CACNG2: variants seen among roughly 807,000 people sequenced by gnomAD.
CACNG2 encodes calcium voltage-gated channel auxiliary subunit gamma 2, also known as voltage-dependent calcium channel gamma-2 subunit.
In CACNG2, 3 loss-of-function variants were observed where a neutral mutation model predicts 25.9. The ratio of observed to expected loss-of-function variants is 0.12; its 90% CI spans 0.05 to 0.30. The LOEUF is 0.30. Among genes scored for constraint, CACNG2 ranks in the 10% least tolerant of loss-of-function variants. The probability of loss-of-function intolerance (pLI) is 1.00; values close to 1 mark genes in which losing one functional copy is unlikely to be tolerated. For synonymous variants in CACNG2, 167 were observed against 173.3 expected (o/e 0.96, Z 0.29); for missense variants, 341 against 432.5 (o/e 0.79, Z 1.88).
intron 1 of CACNG2, among the ~76,000 whole-genome samples, chr22:36,627,279 C>CGTGTGTGTGT (rs58015913): frequency 6.6e-4 from 87 of 131,226 alleles, no homozygotes; most frequent in African/African-American, 1.2e-3. Context: ...AGAGTGGGGA[C>CGTGTGTGTGT]GTGTGTGTGT....
chr22:36,616,638 G>A (rs1936025711), intron 1 of CACNG2, among the ~76,000 whole-genome samples: 1 of 151,972 alleles, frequency 6.6e-6, no homozygotes, highest in African/African-American at 2.4e-5. Flanking sequence ...TATGAAGCAG[G>A]GGTTGAGATG....
chr22:36,601,413 T>C (rs1004429927), intron 1 of CACNG2, among the ~76,000 whole-genome samples: 6 of 152,260 alleles, frequency 3.9e-5, no homozygotes, highest in African/African-American at 1.4e-4. Flanking sequence ...CATTCATCCA[T>C]TGATGGACAT....
At chr22:36,583,428 G>A (rs544630849) in intron 2 of CACNG2, among the ~76,000 whole-genome samples, 4 of 144,280 alleles carry the variant, frequency 2.8e-5, no homozygotes, top group South Asian at 2.2e-4. Flanking sequence ...GCAAGATTCC[G>A]TCTCAAAAAA....
At chr22:36,587,611 C>G in intron 1 of CACNG2, 63 bp from the exon 2 acceptor site, 3 of 1,100,080 alleles carry the variant, frequency 2.7e-6, no homozygotes, top group Non-Finnish European at 4.2e-6. Context: ...TTAGGGCCCA[C>G]CTGCCTCTTC....
At chr22:36,666,185 G>A (rs934467084) in intron 1 of CACNG2, among the ~76,000 whole-genome samples, 3 of 152,130 alleles carry the variant, frequency 2.0e-5, no homozygotes, top group African/African-American at 7.2e-5. Context: ...TGGGAGGCTC[G>A]CTTTAGCCTA....
chr22:36,677,433 T>A (rs1937034469), intron 1 of CACNG2, among the ~76,000 whole-genome samples: 2 of 152,190 alleles, frequency 1.3e-5, no homozygotes, highest in African/African-American at 4.8e-5. Flanking sequence ...TCCCCACCAC[T>A]GCACTGCCTG....
chr22:36,642,923 C>CT (rs1459296641), intron 1 of CACNG2, among the ~76,000 whole-genome samples: 10 of 152,162 alleles, frequency 6.6e-5, no homozygotes, highest in Non-Finnish European at 1.2e-4. Flanking sequence ...GTCTAGTGAT[C>CT]TTTTCAAAGC....
intron 1 of CACNG2, among the ~76,000 whole-genome samples, chr22:36,602,766 T>A (rs1382252504): frequency 6.6e-6 from 1 of 152,182 alleles, no homozygotes; most frequent in African/African-American, 2.4e-5. Context: ...TGTTTTGGAG[T>A]GCCAAGAACT....
chr22:36,561,708 A>T lies in CACNG2; in HGVS notation c.*2643T>A, dbSNP rs2145899758. 1 of 152,482 alleles carries T rather than the reference A, an allele frequency of 6.6e-6. No homozygotes were observed. Among genetic ancestry groups the T allele is most frequent in the Middle Eastern group, 3.4e-3 (1 of 296 alleles). 9.4% of individuals were successfully genotyped at this position (152,482 alleles called of 1,614,324 possible). On this transcript the variant is annotated 3_prime_UTR_variant, in exon 4 of 4. Transcript: ENST00000300105. ...GCAGGGGGGCCTCACCTTGACCTTCAGTCACCTGGGAGTAACTTGCAGACT... is the reference window on the plus strand; with the variant it reads ...GCAGGGGGGCCTCACCTTGACCTTCTGTCACCTGGGAGTAACTTGCAGACT...
intron 1 of CACNG2, among the ~76,000 whole-genome samples, chr22:36,695,695 C>A (rs1238019396): frequency 6.6e-6 from 1 of 152,240 alleles, no homozygotes; most frequent in Non-Finnish European, 1.5e-5. Context: ...TAGCTAGAAT[C>A]CCAGTATTAT....
At chr22:36,568,147 C>T (rs567238291) in intron 2 of CACNG2, among the ~76,000 whole-genome samples, 1 of 152,138 alleles carries the variant, frequency 6.6e-6, no homozygotes, top group East Asian at 1.9e-4. Flanking sequence ...CGTGCCTGGC[C>T]AAAGATGTCT....
chr22:36,662,995 TG>T (rs1259989223), intron 1 of CACNG2, among the ~76,000 whole-genome samples: 1 of 151,412 alleles, frequency 6.6e-6, no homozygotes, highest in Non-Finnish European at 1.5e-5. Flanking sequence ...AGTTGTTGAA[TG>T]AAACTTGAAC....
chr22:36,591,333 G>C (rs907893058), intron 1 of CACNG2, among the ~76,000 whole-genome samples: 7 of 152,096 alleles, frequency 4.6e-5, no homozygotes, highest in South Asian at 2.1e-4. Context: ...CCGGCCTAAG[G>C]GGGGAGATAT....
intron 1 of CACNG2, among the ~76,000 whole-genome samples, chr22:36,660,323 G>A (rs1936773413): frequency 6.6e-6 from 1 of 152,254 alleles, no homozygotes; most frequent in Admixed American, 6.5e-5. Context: ...TGCTGGTGGA[G>A]CCGGGCCCGT....
At chr22:36,650,541 TA>T (rs1044890513) in intron 1 of CACNG2, among the ~76,000 whole-genome samples, 24 of 152,200 alleles carry the variant, frequency 1.6e-4, no homozygotes, top group African/African-American at 5.1e-4. Flanking sequence ...ACCCAGCTAA[TA>T]TTTTTTTTAA....
intron 1 of CACNG2, among the ~76,000 whole-genome samples, chr22:36,675,081 A>T (rs1216569075): frequency 6.6e-6 from 1 of 152,136 alleles, no homozygotes; most frequent in Non-Finnish European, 1.5e-5. Flanking sequence ...AGGGTTGCCC[A>T]GGCCGAATGC....
rs1935061163 is a variant in CACNG2 at position 36,563,365 on chromosome 22, C to CG, written c.*985_*986insC. Among the ~76,000 whole-genome samples, 2 of 70,090 alleles carry CG rather than the reference C, an allele frequency of 2.9e-5. No individual in the cohort carries two copies. The highest frequency in any genetic ancestry group is 5.4e-5 in the Non-Finnish European group (2 of 37,130). The allele number at this position is 70,090 out of a possible 152,430, so 46.0% of individuals were successfully genotyped here. On this transcript the variant is annotated 3_prime_UTR_variant, in exon 4 of 4. Coordinates refer to ENST00000300105, the MANE Select transcript of CACNG2 (RefSeq NM_006078.5). ...AGGAGGGAGAGCTGTTTCATGTCCCCCGGGGGGGGGGGTGGCATCTCCTGA... is the reference window on the plus strand; with the variant it reads ...AGGAGGGAGAGCTGTTTCATGTCCCCGCGGGGGGGGGGGTGGCATCTCCTGA...
chr22:36,606,906 G>T lies in CACNG2; in HGVS notation c.212-19358C>A, dbSNP rs913903016. 1.3e-5 allele frequency among the ~76,000 whole-genome samples: 2 copies of T among 151,612 alleles called. No homozygotes were observed. Among genetic ancestry groups the T allele is most frequent in the Non-Finnish European group, 1.5e-5 (1 of 67,872 alleles). ...GTCTGTGTGTGTGTCTGTGGTGTGTGTATGCATGTGTGTGTATATGTGTGT... is the reference window on the plus strand; with the variant it reads ...GTCTGTGTGTGTGTCTGTGGTGTGTTTATGCATGTGTGTGTATATGTGTGT... On this transcript the variant is annotated intron_variant, in intron 1 of 3. Transcript: ENST00000300105. The surrounding 1 kb of genome is among the most constrained non-coding windows in gnomAD (Gnocchi z 5.7).
At chr22:36,595,362 C>T (rs1403049114) in intron 1 of CACNG2, among the ~76,000 whole-genome samples, 5 of 152,176 alleles carry the variant, frequency 3.3e-5, no homozygotes, top group African/African-American at 1.2e-4. Flanking sequence ...CCAGTGTCTT[C>T]CCAGCTCTCG....
Sources: gnomAD v4.1 joint callset for allele counts (sites outside exome capture counted in the v4.1 genomes callset) on GRCh38, gnomAD v4.1.1 for gene constraint, Gnocchi (gnomAD v3.1) non-coding constraint, MANE v1.5 for transcripts, NCBI Gene and HGNC (gene_info 2026-07-23, HGNC 2026-07-21) for gene names.